The following TBC1D30 variants were observed in gnomAD, a reference collection of about 807,000 sequenced individuals.
The protein encoded by TBC1D30 is TBC1 domain family, member 30.
A neutral mutation model predicts 63.2 loss-of-function variants in TBC1D30; 31 were observed. The observed-to-expected ratio is 0.49, with a 90% CI of 0.37 to 0.66. The LOEUF is 0.66. Among genes scored for constraint, TBC1D30 ranks in the 30% least tolerant of loss-of-function variants. The pLI is 0.00. For synonymous variants in TBC1D30, 307 were observed against 361.5 expected, an observed-to-expected ratio of 0.85 and a Z score of 1.71; for missense variants, 810 against 953.6, an observed-to-expected ratio of 0.85 and a Z score of 1.98.
chr12:64,810,915 A>AT (rs1270893629), intron 2 of TBC1D30, among the ~76,000 whole-genome samples: 1 of 152,164 alleles, frequency 6.6e-6, no homozygotes, highest in African/African-American at 2.4e-5. Flanking sequence ...CACTGGCCTA[A>AT]TCCAATTTTT....
chr12:64,864,892 C>G (rs1878091230), intron 9 of TBC1D30, 112 bp downstream of exon 9: 6 of 724,910 alleles, frequency 8.3e-6, no homozygotes, highest in Admixed American at 2.9e-5. Flanking sequence ...TAAGTTGACA[C>G]TTAGAATCTA....
intron 11 of TBC1D30, among the ~76,000 whole-genome samples, chr12:64,874,772 C>G (rs1592668805): frequency 6.6e-6 from 1 of 151,884 alleles, no homozygotes; most frequent in East Asian, 1.9e-4. Context: ...CTTTTTGTAT[C>G]ATCACCCTGT....
intron 2 of TBC1D30, among the ~76,000 whole-genome samples, chr12:64,799,083 G>C (rs1872455417): frequency 6.6e-6 from 1 of 152,038 alleles, no homozygotes; most frequent in Admixed American, 6.6e-5. Context: ...AAAGTGCTGG[G>C]ATCAGGCACC....
At chr12:64,797,901 C>A (rs1341364468) in intron 2 of TBC1D30, among the ~76,000 whole-genome samples, 1 of 152,144 alleles carries the variant, frequency 6.6e-6, no homozygotes, top group East Asian at 1.9e-4. Flanking sequence ...TCCATCTCTG[C>A]TGGATGATTT....
At chr12:64,826,164 C>G (rs904610709) in intron 1 of TBC1D30, among the ~76,000 whole-genome samples, 4 of 152,064 alleles carry the variant, frequency 2.6e-5, no homozygotes, top group African/African-American at 9.7e-5. Context: ...GAAACATAAA[C>G]CTTCTCTCTG....
At chr12:64,871,740 T>C (rs1315634014) in intron 11 of TBC1D30, among the ~76,000 whole-genome samples, 3 of 152,226 alleles carry the variant, frequency 2.0e-5, no homozygotes, top group Non-Finnish European at 2.9e-5. Context: ...CAAGGACAGA[T>C]AGTCCCATCT....
chr12:64,826,735 G>A (rs1480793050), intron 1 of TBC1D30, among the ~76,000 whole-genome samples: 1 of 152,032 alleles, frequency 6.6e-6, no homozygotes, highest in Non-Finnish European at 1.5e-5. Context: ...GCTTTAAAAA[G>A]AAATATCAAG....
At chr12:64,859,561 C>A (rs1018076723) in intron 8 of TBC1D30, among the ~76,000 whole-genome samples, 2 of 152,058 alleles carry the variant, frequency 1.3e-5, no homozygotes, top group African/African-American at 4.8e-5. Context: ...GGAACAGAGA[C>A]AGTACTTACA....
intron 8 of TBC1D30, among the ~76,000 whole-genome samples, chr12:64,849,352 T>C (rs934905649): frequency 1.3e-5 from 2 of 152,210 alleles, no homozygotes; most frequent in Admixed American, 6.5e-5. Flanking sequence ...TCTTTGCCGA[T>C]GTCTGTGTCA....
rs1555171793 is a variant in TBC1D30 at position 64,840,027 on chromosome 12, A to AAAAAAAAAAAAAAAAAAAAAAC, written c.932+1177_932+1178insAAAAAAAAAAAAAAAAAAAACA. On this transcript the variant is annotated intron_variant, in intron 7 of 11. Transcript: ENST00000539867. ...CTCAAAAAAAAAAAAAAAAAAAAAA[A>AAAAAAAAAAAAAAAAAAAAAAC]ATCCACCAACTATCAATTCAGGGAC... is the stretch of plus-strand genomic sequence containing the variant. 5.5e-5 allele frequency among the ~76,000 whole-genome samples: 8 copies of AAAAAAAAAAAAAAAAAAAAAAC among 145,896 alleles called. 1 individual carries two copies. The highest frequency in any genetic ancestry group is 2.1e-4 in the African/African-American group (8 of 38,520).
chr12:64,868,586 G>T, intron 10 of TBC1D30: 2 of 307,178 alleles, frequency 6.5e-6, no homozygotes, highest in Non-Finnish European at 1.2e-5. Flanking sequence ...GCATCTTTTC[G>T]GCAAACTTCT....
intron 11 of TBC1D30, among the ~76,000 whole-genome samples, chr12:64,873,374 GA>G (rs1878804615): frequency 6.6e-6 from 1 of 152,190 alleles, no homozygotes; most frequent in Non-Finnish European, 1.5e-5. Flanking sequence ...AGGACCCAGT[GA>G]AATGGGAGGT....
At chr12:64,773,345 C>T (rs1323576814) in intron 1 of TBC1D30, among the ~76,000 whole-genome samples, 2 of 152,174 alleles carry the variant, frequency 1.3e-5, no homozygotes, top group Non-Finnish European at 2.9e-5. Flanking sequence ...CTTCCTAGGA[C>T]AAAGTTCCTA....
At chr12:64,780,739 C>T (rs1336104893) in exon 1 of TBC1D30, 1 of 985,460 alleles carries the variant, frequency 1.0e-6, no homozygotes, top group African/African-American at 1.7e-5. Flanking sequence ...AGCCGCGCCT[C>T]CTCCCGGAAC....
chr12:64,781,304 C>T (rs1043826693), intron 1 of TBC1D30: 56 of 1,106,094 alleles, frequency 5.1e-5, no homozygotes, highest in Non-Finnish European at 5.2e-5. Flanking sequence ...CCGGGCGCAG[C>T]AGGGTCCCGG....
chr12:64,763,870 T>C (rs1006643451), intron 1 of TBC1D30, among the ~76,000 whole-genome samples: 5 of 152,152 alleles, frequency 3.3e-5, no homozygotes, highest in African/African-American at 1.2e-4. Context: ...CCTCAGGTGA[T>C]CCACCCACCT....
intron 2 of TBC1D30, among the ~76,000 whole-genome samples, chr12:64,793,385 C>T (rs532328428): frequency 3.3e-4 from 50 of 150,756 alleles, no homozygotes; most frequent in Admixed American, 1.9e-3. Flanking sequence ...ATGGCTCATG[C>T]GTGTAATCCC....
chr12:64,850,481 A>G (rs1349542763), intron 8 of TBC1D30, among the ~76,000 whole-genome samples: 1 of 152,182 alleles, frequency 6.6e-6, no homozygotes, highest in Non-Finnish European at 1.5e-5. Flanking sequence ...TGTTTTTAGC[A>G]TGGAGCGGTG....
intron 1 of TBC1D30, among the ~76,000 whole-genome samples, chr12:64,772,814 G>T (rs969950389): frequency 2.0e-5 from 3 of 152,134 alleles, no homozygotes; most frequent in African/African-American, 7.2e-5. Context: ...TCTAAAAAAA[G>T]AAAATCACTT....
Sources: allele counts gnomAD v4.1 joint callset (sites outside exome capture counted in the v4.1 genomes callset), GRCh38; gene constraint gnomAD v4.1.1; transcripts MANE v1.5; gene names NCBI Gene and HGNC (gene_info 2026-07-23, HGNC 2026-07-21).